The following TRHDE variants were observed in gnomAD, a reference collection of about 807,000 sequenced individuals.
TRHDE encodes the protein thyrotropin-releasing hormone-degrading ectoenzyme.
Under a neutral mutation model 125.7 loss-of-function variants are expected in TRHDE, and 72 were observed. The ratio of observed to expected loss-of-function variants is 0.57; its 90% CI spans 0.47 to 0.70. The LOEUF is 0.70. TRHDE is among the 30% of genes least tolerant of loss of function. The pLI is 0.00. For synonymous variants in TRHDE, 509 were observed against 509.1 expected (o/e 1.00, Z 0.00); for missense variants, 1,110 against 1,327.1 (o/e 0.84, Z 2.54).
rs149478782 is a variant in TRHDE at position 72,138,142 on chromosome 12, C to T, written n.279+32390C>T. ...TTGTAATCCCAGCACTTTGGGAGAC[C>T]GAGGTGGGTGGATCATGAGGTCAGG... On this transcript the variant is annotated intron_variant and non_coding_transcript_variant, in intron 2 of 4. Coordinates refer to the TRHDE transcript ENST00000548156. Among the ~76,000 whole-genome samples the T allele has an allele frequency of 6.3e-4, 96 of 152,144 alleles. 1 individual carries two copies. The East Asian group carries it at 0.017, about 28-fold the overall frequency.
intron 7 of TRHDE, among the ~76,000 whole-genome samples, chr12:72,544,617 C>T (rs1869321660): frequency 6.6e-6 from 1 of 151,040 alleles, no homozygotes; most frequent in African/African-American, 2.4e-5. Flanking sequence ...AGACCTTAAA[C>T]TTCATGTTCC....
chr12:72,218,427 C>A (rs1469362866), intron 2 of TRHDE, among the ~76,000 whole-genome samples: 3 of 152,120 alleles, frequency 2.0e-5, no homozygotes, highest in Non-Finnish European at 4.4e-5. Context: ...CAATTTCTTA[C>A]ATTTTCATGA....
At chr12:72,651,594 A>C (rs2136109463) in intron 15 of TRHDE, among the ~76,000 whole-genome samples, 1 of 152,166 alleles carries the variant, frequency 6.6e-6, no homozygotes, top group East Asian at 1.9e-4. Flanking sequence ...TGTAGGGTAC[A>C]TACCAAAACT....
intron 7 of TRHDE, 74 bp downstream of exon 7, chr12:72,542,430 T>C (rs1869200981): frequency 1.6e-6 from 2 of 1,275,452 alleles, no homozygotes; most frequent in Middle Eastern, 2.3e-4. Context: ...AAATGGCTAA[T>C]ACAAAATTGC....
chr12:72,321,876 T>TACAC (rs375433570), intron 2 of TRHDE, among the ~76,000 whole-genome samples: 2 of 150,892 alleles, frequency 1.3e-5, no homozygotes, highest in African/African-American at 2.4e-5. Flanking sequence ...TCTACATACA[T>TACAC]ACACACACAC....
intron 3 of TRHDE, among the ~76,000 whole-genome samples, chr12:72,438,502 T>A (rs1381732338): frequency 6.6e-6 from 1 of 151,890 alleles, no homozygotes; most frequent in Non-Finnish European, 1.5e-5. Context: ...ATTGAGATTT[T>A]AATTTTCCTG....
intron 2 of TRHDE, among the ~76,000 whole-genome samples, chr12:72,214,069 C>G (rs1164737554): frequency 6.6e-6 from 1 of 151,988 alleles, no homozygotes; most frequent in Non-Finnish European, 1.5e-5. Flanking sequence ...CAATGAAGAT[C>G]AAGAATAAAT....
At chr12:72,361,587 GT>G (rs1354215341) in intron 2 of TRHDE, among the ~76,000 whole-genome samples, 1 of 150,036 alleles carries the variant, frequency 6.7e-6, no homozygotes, top group Non-Finnish European at 1.5e-5. Flanking sequence ...TATACTTTAA[GT>G]TTTAGGGTAC....
intron 3 of TRHDE, among the ~76,000 whole-genome samples, chr12:72,417,299 A>G (rs906142154): frequency 1.7e-4 from 26 of 152,046 alleles, no homozygotes; most frequent in Admixed American, 1.7e-3. Flanking sequence ...CTAAGTTTTA[A>G]TATGTTATCT....
At chr12:72,202,535 ACTT>A (rs1370167841) in intron 2 of TRHDE, among the ~76,000 whole-genome samples, 2 of 152,120 alleles carry the variant, frequency 1.3e-5, no homozygotes, top group African/African-American at 2.4e-5. Flanking sequence ...TTTTAGCTTC[ACTT>A]CTTCTAGTTC....
chr12:72,124,793 C>T (rs1461176514), intron 2 of TRHDE, among the ~76,000 whole-genome samples: 1 of 152,074 alleles, frequency 6.6e-6, no homozygotes, highest in Admixed American at 6.6e-5. Context: ...TCTGTAGTCC[C>T]AGCTTTTTGT....
chr12:72,491,967 G>T (rs1225978872), intron 5 of TRHDE, among the ~76,000 whole-genome samples: 1 of 151,936 alleles, frequency 6.6e-6, no homozygotes, highest in Non-Finnish European at 1.5e-5. Context: ...AAAAGGTTAT[G>T]CAAACAAACA....
intron 3 of TRHDE, among the ~76,000 whole-genome samples, chr12:72,379,498 T>A (rs1469878030): frequency 1.3e-5 from 2 of 152,226 alleles, no homozygotes; most frequent in African/African-American, 4.8e-5. Context: ...GGCACTGTTA[T>A]CTACTCCAGG....
intron 2 of TRHDE, among the ~76,000 whole-genome samples, chr12:72,152,351 A>G (rs1446922089): frequency 2.6e-5 from 4 of 151,886 alleles, no homozygotes; most frequent in Admixed American, 6.6e-5. Flanking sequence ...AACAGGGACA[A>G]TTTGACTTCC....
rs969173308 is a variant in TRHDE at position 72,667,537 on chromosome 12, C to T, written c.*4342C>T. ...GATGAATATGGCCTGAAGGAATGAA[C>T]TCATATTACAATAAATGAAAAAGAA... is the stretch of plus-strand genomic sequence containing the variant. On this transcript the variant is annotated 3_prime_UTR_variant, in exon 19 of 19. Coordinates refer to ENST00000261180, the MANE Select transcript of TRHDE (RefSeq NM_013381.3). 4.0e-5 allele frequency: 6 copies of T among 151,436 alleles called. No individual in the cohort carries two copies. Among genetic ancestry groups the T allele is most frequent in the Non-Finnish European group, 5.9e-5 (4 of 67,716 alleles). The allele number at this position is 151,436 out of a possible 1,614,324, so 9.4% of individuals were successfully genotyped here.
At chr12:72,592,013 G>C (rs1420330408) in intron 12 of TRHDE, among the ~76,000 whole-genome samples, 1 of 149,774 alleles carries the variant, frequency 6.7e-6, no homozygotes, top group African/African-American at 2.5e-5. Context: ...TTTTGTATTT[G>C]CAAATTTTTT....
At chr12:72,525,632 TGTGAGAGA>T (rs781377720) in intron 6 of TRHDE, among the ~76,000 whole-genome samples, 2 of 146,946 alleles carry the variant, frequency 1.4e-5, no homozygotes, top group African/African-American at 2.6e-5. Flanking sequence ...TGTGTGTGTG[TGTGAGAGA>T]GAGAGAGAGA....
At chr12:72,608,574 G>A (rs1872533353) in intron 12 of TRHDE, among the ~76,000 whole-genome samples, 1 of 152,124 alleles carries the variant, frequency 6.6e-6, no homozygotes, top group South Asian at 2.1e-4. Context: ...CAGGGAATGG[G>A]ATCAGTGGTT....
intron 3 of TRHDE, among the ~76,000 whole-genome samples, chr12:72,425,955 A>G (rs1027132577): frequency 1.3e-5 from 2 of 151,948 alleles, no homozygotes; most frequent in African/African-American, 2.4e-5. Flanking sequence ...CAAAAGGTCA[A>G]AAAAAAGCAA....
Sources: allele counts gnomAD v4.1 joint callset (sites outside exome capture counted in the v4.1 genomes callset), GRCh38; gene constraint gnomAD v4.1.1; transcripts MANE v1.5; gene names NCBI Gene and HGNC (gene_info 2026-07-23, HGNC 2026-07-21).